The following TMEM232 variants were observed in gnomAD, a reference collection of about 807,000 sequenced individuals.
TMEM232 encodes transmembrane protein 232.
TMEM232 carries 80 observed loss-of-function variants against 78.8 expected under a neutral mutation model. The ratio of observed to expected loss-of-function variants is 1.01; its 90% CI spans 0.85 to 1.22. TMEM232 has a LOEUF of 1.22. Ranked by LOEUF, TMEM232 falls within the 50% of genes most tolerant of loss-of-function variation. TMEM232 has a pLI of 0.00. For missense variants in TMEM232, 881 were observed against 742.2 expected (o/e 1.19, Z -2.17); for synonymous variants, 297 against 254.3 (o/e 1.17, Z -1.60).
chr5:110,487,739 T>G (rs1764625651), intron 12 of TMEM232, among the ~76,000 whole-genome samples: 1 of 152,138 alleles, frequency 6.6e-6, no homozygotes, highest in South Asian at 2.1e-4. Context: ...GCATCTATAT[T>G]CAAAGATACT....
chr5:110,557,259 T>C (rs955326201), intron 11 of TMEM232, among the ~76,000 whole-genome samples: 4 of 152,178 alleles, frequency 2.6e-5, no homozygotes, highest in African/African-American at 7.2e-5. Flanking sequence ...CTATTTCCTC[T>C]TTCAGCTCAT....
intron 1 of TMEM232, among the ~76,000 whole-genome samples, chr5:110,699,729 C>A (rs1374994142): frequency 6.6e-6 from 1 of 152,066 alleles, no homozygotes; most frequent in Non-Finnish European, 1.5e-5. Flanking sequence ...GCTTCTTGAA[C>A]CTTCCTCTCA....
At chr5:110,503,986 TG>T (rs1434791001) in intron 12 of TMEM232, among the ~76,000 whole-genome samples, 1 of 152,226 alleles carries the variant, frequency 6.6e-6, no homozygotes, top group Non-Finnish European at 1.5e-5. Flanking sequence ...CTTTGTGTGT[TG>T]TTCAAAATCA....
intron 10 of TMEM232, among the ~76,000 whole-genome samples, chr5:110,587,360 G>A (rs531589257): frequency 6.6e-6 from 1 of 152,070 alleles, no homozygotes; most frequent in East Asian, 1.9e-4. Context: ...TATGATATTT[G>A]CTATGTTATC....
At chr5:110,580,624 TAAG>T (rs1457423059) in intron 10 of TMEM232, among the ~76,000 whole-genome samples, 2 of 151,550 alleles carry the variant, frequency 1.3e-5, no homozygotes, top group Admixed American at 1.3e-4. Flanking sequence ...ATTTCAATAA[TAAG>T]GATGACAACC....
chr5:110,398,642 T>C (rs955749095), intron 2 of TMEM232, among the ~76,000 whole-genome samples: 6 of 152,160 alleles, frequency 3.9e-5, no homozygotes, highest in African/African-American at 1.4e-4. Context: ...GATGCAATAG[T>C]CTCAGAACAT....
At chr5:110,651,470 G>GGGAA (rs1788288681) in intron 2 of TMEM232, among the ~76,000 whole-genome samples, 1 of 151,526 alleles carries the variant, frequency 6.6e-6, no homozygotes, top group Non-Finnish European at 1.5e-5. Context: ...AAGGGAAAGA[G>GGGAA]GGAAGGAGGG....
At chr5:110,436,270 C>G (rs112582939) in intron 12 of TMEM232, among the ~76,000 whole-genome samples, 4,646 of 151,938 alleles carry the variant, frequency 0.031, 135 homozygotes, top group Admixed American at 0.068. Context: ...TGAGAAATGT[C>G]TATTGAAATA....
chr5:110,396,408 G>A (rs1350195168), intron 3 of TMEM232, among the ~76,000 whole-genome samples: 1 of 152,142 alleles, frequency 6.6e-6, no homozygotes, highest in Admixed American at 6.5e-5. Context: ...GTTATAATTT[G>A]TTTAATTTAC....
intron 5 of TMEM232, among the ~76,000 whole-genome samples, chr5:110,629,999 G>A (rs552940450): frequency 3.2e-4 from 48 of 152,238 alleles, no homozygotes; most frequent in African/African-American, 1.2e-3. Context: ...CATATAGAGC[G>A]GGTGATGCAT....
intron 4 of TMEM232, among the ~76,000 whole-genome samples, chr5:110,389,449 A>T (rs1346044406): frequency 1.3e-5 from 2 of 152,298 alleles, no homozygotes; most frequent in Non-Finnish European, 2.9e-5. Context: ...TGAGCAAAGA[A>T]CTCACACATT....
At chr5:110,690,871 G>A (rs1019483317) in intron 1 of TMEM232, among the ~76,000 whole-genome samples, 7 of 151,994 alleles carry the variant, frequency 4.6e-5, no homozygotes, top group African/African-American at 1.7e-4. Flanking sequence ...AACTAACACA[G>A]GAACAGAAAA....
chr5:110,608,833 C>T (rs533588686), intron 8 of TMEM232, among the ~76,000 whole-genome samples: 5 of 152,142 alleles, frequency 3.3e-5, no homozygotes, highest in Admixed American at 3.3e-4. Context: ...TTTCATACAG[C>T]ACTAGCTTCT....
chr5:110,409,990 G>T (rs993238213), intron 2 of TMEM232, among the ~76,000 whole-genome samples: 1 of 152,164 alleles, frequency 6.6e-6, no homozygotes. Context: ...GTCTGTATCC[G>T]TTGGCCTGAG....
chr5:110,524,487 G>C (rs1005931369), intron 12 of TMEM232, among the ~76,000 whole-genome samples: 1 of 152,104 alleles, frequency 6.6e-6, no homozygotes, highest in Admixed American at 6.5e-5. Flanking sequence ...CTACATATTT[G>C]TGAATGTTTT....
At chr5:110,463,289 T>A (rs936980776) in intron 12 of TMEM232, among the ~76,000 whole-genome samples, 1 of 152,196 alleles carries the variant, frequency 6.6e-6, no homozygotes, top group Admixed American at 6.5e-5. Context: ...CTCAGATGAT[T>A]GTTAGCATTT....
At chr5:110,433,136 T>C (rs562299931) in intron 12 of TMEM232, among the ~76,000 whole-genome samples, 31 of 151,888 alleles carry the variant, frequency 2.0e-4, no homozygotes, top group South Asian at 1.7e-3. Flanking sequence ...TTGGACCTAA[T>C]AGACAACTAC....
chr5:110,651,241 T>C (rs1788257620), intron 2 of TMEM232, among the ~76,000 whole-genome samples: 2 of 152,112 alleles, frequency 1.3e-5, no homozygotes, highest in African/African-American at 4.8e-5. Context: ...TGGTGTTTTC[T>C]GAAAGTGATC....
intron 12 of TMEM232, among the ~76,000 whole-genome samples, chr5:110,501,337 T>A (rs73784775): frequency 0.04 from 6,105 of 152,178 alleles, 195 homozygotes; most frequent in African/African-American, 0.085. Flanking sequence ...CTTCTGTTTA[T>A]AAAGGAATTG....
Sources: gnomAD v4.1 joint callset for allele counts (sites outside exome capture counted in the v4.1 genomes callset) on GRCh38, gnomAD v4.1.1 for gene constraint, MANE v1.5 for transcripts, NCBI Gene and HGNC (gene_info 2026-07-23, HGNC 2026-07-21) for gene names.